The following DNAAF10 variants were observed in gnomAD, a reference collection of about 807,000 sequenced individuals.
DNAAF10 encodes the protein dynein axonemal assembly factor 10, also known as WD repeat domain 92.
A neutral mutation model predicts 43.7 loss-of-function variants in DNAAF10; 28 were observed. That is an observed-to-expected ratio of 0.64 (90% confidence interval 0.48 to 0.88). The LOEUF is 0.88. DNAAF10 is among the 40% of genes least tolerant of loss of function. The pLI is 0.00. For missense variants in DNAAF10, 403 were observed against 439.1 expected (o/e 0.92, Z 0.73); for synonymous variants, 156 against 157.3 (o/e 0.99, Z 0.06).
Position 68,130,934 on chromosome 2 carries a change from TTG to T in DNAAF10, c.*302_*303del. ...AAAGTCTTTTTTTTTTTTTTTTTTTTTGAGACAGTCTTGCTCAGTTGCCCAGG... is the reference window on the plus strand; with the variant it reads ...AAAGTCTTTTTTTTTTTTTTTTTTTTAGACAGTCTTGCTCAGTTGCCCAGG... On this transcript the variant is annotated 3_prime_UTR_variant, in exon 8 of 8. Coordinates refer to ENST00000295121, the MANE Select transcript of DNAAF10 (RefSeq NM_138458.4). 8.8e-5 allele frequency: 15 copies of T among 170,038 alleles called. No individual in the cohort carries two copies. Among genetic ancestry groups the T allele is most frequent in the South Asian group, 6.7e-4 (4 of 5,944 alleles). 10.5% of individuals were successfully genotyped at this position (170,038 alleles called of 1,614,324 possible).
chr2:68,147,325 G>A (rs968908762), intron 2 of DNAAF10, 142 bp downstream of exon 2: 12 of 589,648 alleles, frequency 2.0e-5, no homozygotes, highest in Non-Finnish European at 3.4e-5. Flanking sequence ...ATATATATTA[G>A]AGACAATTCT....
chr2:68,157,230 C>A (rs946956620), intron 1 of DNAAF10, 31 bp downstream of exon 1: 2 of 1,594,982 alleles, frequency 1.3e-6, no homozygotes, highest in African/African-American at 1.3e-5. Context: ...TCGCCCCCAA[C>A]GGCAGTCCGG....
chr2:68,140,464 C>G (rs1399277700), intron 4 of DNAAF10, among the ~76,000 whole-genome samples: 2 of 152,140 alleles, frequency 1.3e-5, no homozygotes, highest in Non-Finnish European at 2.9e-5. Flanking sequence ...TCTTCATATC[C>G]AAAAACATTC....
chr2:68,131,307 A>C lies in DNAAF10; in HGVS notation c.1005T>G (p.Gly335=). The part of the protein sequence containing the change: ...SSLDWSPDKR[G]LCVCSSFDQT... ...GGTCAAATGAACTACAGACGCAGAG[A>C]CCCCTTTTATCTGGACTCCAATCCA... The change falls in exon 8 of 8, where the codon GGT becomes GGG. Residue 335 remains glycine, a synonymous_variant. Transcript: ENST00000295121. 1.2e-6 allele frequency: 2 copies of C among 1,613,996 alleles called. No individual in the cohort carries two copies. The highest frequency in any genetic ancestry group is 2.2e-5 in the South Asian group (2 of 91,074).
At chr2:68,137,546 A>C in intron 5 of DNAAF10, 113 bp from the exon 6 acceptor site, 1 of 1,071,494 alleles carries the variant, frequency 9.3e-7, no homozygotes, top group Non-Finnish European at 1.3e-6. Flanking sequence ...GCACTCCAAC[A>C]ATCATTTATC....
chr2:68,152,937 C>T lies in DNAAF10; in HGVS notation c.183+4324G>A, dbSNP rs889713637. 9.9e-5 allele frequency among the ~76,000 whole-genome samples: 15 copies of T among 152,240 alleles called. No homozygotes were observed. In the South Asian group the frequency reaches 2.1e-3, roughly 21 times the overall value. On this transcript the variant is annotated intron_variant, in intron 1 of 7. Transcript: ENST00000295121. ...ACCAAATGCTAACAAGCAGTAAATT[C>T]GGTAGCACAGGGGCTAAAAAAGCAG...
chr2:68,147,861 A>G (rs555648145), intron 1 of DNAAF10, among the ~76,000 whole-genome samples: 60 of 152,352 alleles, frequency 3.9e-4, no homozygotes, highest in African/African-American at 1.4e-3. Flanking sequence ...TCAGCATTTC[A>G]TGTGATATTC....
chr2:68,137,085 C>T (rs1247303525), intron 6 of DNAAF10, among the ~76,000 whole-genome samples: 1 of 152,176 alleles, frequency 6.6e-6, no homozygotes, highest in Non-Finnish European at 1.5e-5. Flanking sequence ...AAGATTCCTA[C>T]CTGAGATCTT....
intron 6 of DNAAF10, among the ~76,000 whole-genome samples, chr2:68,136,170 A>C (rs1274574478): frequency 2.6e-5 from 4 of 151,092 alleles, no homozygotes. Context: ...GTGAGCCATA[A>C]TCATGCCACT....
At chr2:68,148,948 T>C (rs563304997) in intron 1 of DNAAF10, among the ~76,000 whole-genome samples, 25 of 152,342 alleles carry the variant, frequency 1.6e-4, no homozygotes, top group Non-Finnish European at 3.1e-4. Flanking sequence ...ACACTGTCCT[T>C]TGATGTGTTT....
At chr2:68,149,551 A>C (rs1302257522) in intron 1 of DNAAF10, among the ~76,000 whole-genome samples, 1 of 152,242 alleles carries the variant, frequency 6.6e-6, no homozygotes, top group Non-Finnish European at 1.5e-5. Flanking sequence ...AGAGTATCTG[A>C]AAATGGGGCA....
chr2:68,157,397 C>T lies in DNAAF10; in HGVS notation c.47G>A (p.Gly16Asp), dbSNP rs920442121. Residue 16 changes from glycine (G) to aspartate (D), a missense_variant, in exon 1 of 8, where the codon GGC becomes GAC. Gly to Asp is a moderately conservative substitution (Grantham distance 94). Coordinates refer to ENST00000295121, the MANE Select transcript of DNAAF10 (RefSeq NM_138458.4). ...ACAGTCAAACACCGTGTAGTTGAAG[C>T]CCTTCTGGATATGGGCGATGATCTG... ...KPQIIAHIQK[G>D]FNYTVFDCKW... The T allele has an allele frequency of 1.9e-6, 3 of 1,614,204 alleles. No individual in the cohort carries two copies. Among genetic ancestry groups the T allele is most frequent in the South Asian group, 2.2e-5 (2 of 91,084 alleles).
chr2:68,143,608 A>T (rs778329758), intron 3 of DNAAF10, among the ~76,000 whole-genome samples: 3 of 152,250 alleles, frequency 2.0e-5, no homozygotes, highest in African/African-American at 4.8e-5. Flanking sequence ...CCAAAGGCTT[A>T]TAAGGGAATG....
intron 1 of DNAAF10, among the ~76,000 whole-genome samples, chr2:68,154,390 GCGCCCGCCACCA>G (rs1413277260): frequency 6.6e-6 from 1 of 152,002 alleles, no homozygotes; most frequent in Non-Finnish European, 1.5e-5. Context: ...GGGACTACAG[GCGCCCGCCACCA>G]CGCCCGGCTG....
At position 68,138,848 on chromosome 2, in the gene DNAAF10, T is replaced by C. The variant is rs752750550; in HGVS notation, c.527A>G (p.Tyr176Cys). The C allele has an allele frequency of 3.1e-6, 5 of 1,611,474 alleles. No individual in the cohort carries two copies. The South Asian group carries it at 5.5e-5, about 18-fold the overall frequency. ...DCWTVAFGNA[Y>C]NQEERVVCAG... ...ACAAACAACACGTTCTTCTTGATTA[T>C]AAGCATTGCCTGGAAATCAAGATAC... The change falls in exon 5 of 8, where the codon TAT (tyrosine) becomes TGT (cysteine). Residue 176 changes from tyrosine to cysteine, a missense_variant. Tyr to Cys is a radical substitution (Grantham distance 194). Coordinates refer to ENST00000295121, the MANE Select transcript of DNAAF10 (RefSeq NM_138458.4).
At chr2:68,149,382 G>GT (rs1673400965) in intron 1 of DNAAF10, among the ~76,000 whole-genome samples, 1 of 152,126 alleles carries the variant, frequency 6.6e-6, no homozygotes, top group African/African-American at 2.4e-5. Context: ...AATCAGCCAC[G>GT]TACAGTAACA....
At chr2:68,136,220 G>GAA (rs1164483365) in intron 6 of DNAAF10, among the ~76,000 whole-genome samples, 14 of 52,528 alleles carry the variant, frequency 2.7e-4, no homozygotes, top group Non-Finnish European at 3.6e-4. Context: ...TCTGTCTCCA[G>GAA]AAAAAAAAAA....
chr2:68,137,256 G>A (rs758605538), intron 6 of DNAAF10, 43 bp downstream of exon 6: 8 of 1,585,172 alleles, frequency 5.0e-6, no homozygotes, highest in Non-Finnish European at 6.9e-6. Context: ...TCTAAACCAA[G>A]CTATCATTCT....
intron 5 of DNAAF10, 69 bp from the exon 6 acceptor site, chr2:68,137,502 T>A: frequency 7.5e-7 from 1 of 1,327,424 alleles, no homozygotes; most frequent in Non-Finnish European, 1.0e-6. Context: ...TTATACTAAG[T>A]AAAACAGCTT....
Sources: allele counts gnomAD v4.1 joint callset (sites outside exome capture counted in the v4.1 genomes callset), GRCh38; gene constraint gnomAD v4.1.1; transcripts MANE v1.5; gene names NCBI Gene and HGNC (gene_info 2026-07-23, HGNC 2026-07-21).